The following KLHL25 variants were observed in gnomAD, a reference collection of about 807,000 sequenced individuals.
KLHL25 encodes kelch-like protein 25.
Under a neutral mutation model 30.0 loss-of-function variants are expected in KLHL25, and 41 were observed. That is an observed-to-expected ratio of 1.37 (90% CI 1.07 to 1.78). KLHL25 has a LOEUF of 1.78. KLHL25 is among the 40% of genes most tolerant of loss of function. The pLI is 0.00. For missense variants in KLHL25, 971 were observed against 824.5 expected (o/e 1.18, Z -2.18); for synonymous variants, 399 against 355.3 (o/e 1.12, Z -1.38).
At chr15:85,783,167 TC>T (rs746744570) in intron 1 of KLHL25, among the ~76,000 whole-genome samples, 21 of 152,180 alleles carry the variant, frequency 1.4e-4, no homozygotes, top group Admixed American at 2.6e-4. Context: ...CAATGCGACC[TC>T]GGCTCACTGC....
In KLHL25 at chr15:85,769,192, C is replaced by A. The variant is rs545372352; in HGVS notation, c.619G>T (p.Glu207Ter). 1 of 1,613,610 alleles carries A rather than the reference C, an allele frequency of 6.2e-7. No homozygotes were observed. The highest frequency in any genetic ancestry group is 8.5e-7 in the Non-Finnish European group (1 of 1,180,010). ...AGGATGGCCTCGAAGACCACCCGCT[C>A]GTCCTCGGTCTCCAGCTCATCACTC... ...ISSDELETEDERVVFEAILQW... is the reference protein window; with the variant it reads ...ISSDELETED The change falls in exon 2 of 3, where the codon GAG (glutamate) becomes TAG (stop). Residue 207 changes from glutamate to a stop codon, truncating the protein, a stop_gained. Transcript: ENST00000337975. LOFTEE classifies it high-confidence loss of function.
intron 1 of KLHL25, among the ~76,000 whole-genome samples, chr15:85,777,457 G>C (rs1375819545): frequency 6.6e-6 from 1 of 152,190 alleles, no homozygotes; most frequent in African/African-American, 2.4e-5. Flanking sequence ...TCTACACATG[G>C]CCCTACCCGT....
In KLHL25 at chr15:85,769,248, A is replaced by G. The variant is rs2089650555; in HGVS notation, c.563T>C (p.Leu188Pro). 1 of 1,613,774 alleles carries G rather than the reference A, an allele frequency of 6.2e-7. No individual in the cohort carries two copies. The highest frequency in any genetic ancestry group is 1.3e-5 in the African/African-American group (1 of 74,946). ...TVRQSEDFNS[L>P]SKDTLLDLIS... ...GAGGTCCAGCAGTGTGTCCTTGGAC[A>G]GGCTGTTGAAGTCCTCGCTCTGCCT... Residue 188 changes from leucine (L) to proline (P), a missense_variant, in exon 2 of 3, where the codon CTG becomes CCG. By Grantham distance (98) the Leu-to-Pro change is moderately conservative. Coordinates refer to ENST00000337975, the MANE Select transcript of KLHL25 (RefSeq NM_022480.4).
At chr15:85,777,037 C>T (rs772584149) in intron 1 of KLHL25, among the ~76,000 whole-genome samples, 10 of 152,212 alleles carry the variant, frequency 6.6e-5, no homozygotes, top group Non-Finnish European at 1.3e-4. Context: ...CTGGGCAGTA[C>T]TTAAACCTCC....
Position 85,769,622 on chromosome 15 carries a change from C to T in KLHL25, c.189G>A (p.Val63=), listed in dbSNP as rs543210012. Residue 63 remains valine, a synonymous_variant, in exon 2 of 3, where the codon GTG becomes GTA. Coordinates refer to ENST00000337975, the MANE Select transcript of KLHL25 (RefSeq NM_022480.4). ...GDRAFPCHRA[V]LAASSRYFEA... ...CAAAATAGCGGCTAGAGGCGGCCAG[C>T]ACGGCACGGTGACAGGGGAAGGCAC... 2.5e-6 allele frequency: 4 copies of T among 1,613,102 alleles called. No individual in the cohort carries two copies. Among genetic ancestry groups the T allele is most frequent in the East Asian group, 2.2e-5 (1 of 44,890 alleles).
chr15:85,769,485 C>A lies in KLHL25; in HGVS notation c.326G>T (p.Arg109Leu). Residue 109 changes from arginine to leucine, a missense_variant, in exon 2 of 3, where the codon CGC becomes CTC. Coordinates refer to ENST00000337975, the MANE Select transcript of KLHL25 (RefSeq NM_022480.4). ...ELLLDFAYSS[R>L]IAINEENAES... Reference sequence around the variant, plus strand: ...AGCGTTCTCCTCGTTGATGGCGATGCGTGAGGAGTAGGCAAAGTCCAGCAG... The same window carrying A: ...AGCGTTCTCCTCGTTGATGGCGATGAGTGAGGAGTAGGCAAAGTCCAGCAG... 1 of 1,613,982 alleles carries A rather than the reference C, an allele frequency of 6.2e-7. No individual in the cohort carries two copies. The highest frequency in any genetic ancestry group is 1.1e-5 in the South Asian group (1 of 91,082).
intron 1 of KLHL25, among the ~76,000 whole-genome samples, chr15:85,793,878 G>A (rs1215534571): frequency 1.3e-5 from 2 of 152,190 alleles, no homozygotes; most frequent in Non-Finnish European, 2.9e-5. Flanking sequence ...GCCTGGGTCC[G>A]CCCCCTCACC....
At position 85,768,090 on chromosome 15, in the gene KLHL25, G is replaced by A. The variant is rs2089636581; in HGVS notation, c.1721C>T (p.Ser574Leu). Residue 574 changes from serine to leucine, a missense_variant, in exon 2 of 3, where the codon TCA becomes TTA. Coordinates refer to ENST00000337975, the MANE Select transcript of KLHL25 (RefSeq NM_022480.4). ...GCTGACAAAGGCCGTGGGGATAAGT[G>A]AGTAGGGCACTGTGGTGATGCAGTT... Reference protein sequence around the residue: ...TWNCITTVPYSLIPTAFVSTW... With the variant: ...TWNCITTVPYLLIPTAFVSTW... The A allele has an allele frequency of 1.9e-6, 3 of 1,614,198 alleles. No individual in the cohort carries two copies. Among genetic ancestry groups the A allele is most frequent in the Non-Finnish European group, 1.7e-6 (2 of 1,180,018 alleles).
chr15:85,773,919 G>A (rs947902011), intron 1 of KLHL25, among the ~76,000 whole-genome samples: 2 of 152,138 alleles, frequency 1.3e-5, no homozygotes, highest in Non-Finnish European at 2.9e-5. Context: ...ACCAGGGGCT[G>A]CTTGTCTCGG....
At chr15:85,784,271 G>A (rs964213979) in intron 1 of KLHL25, among the ~76,000 whole-genome samples, 12 of 152,224 alleles carry the variant, frequency 7.9e-5, no homozygotes, top group African/African-American at 1.2e-4. Flanking sequence ...GCTCATGCCT[G>A]TAATCCCTGC....
intron 1 of KLHL25, among the ~76,000 whole-genome samples, 159 bp downstream of exon 1, chr15:85,794,606 CG>C (rs1375928620): frequency 6.6e-6 from 1 of 152,082 alleles, no homozygotes; most frequent in Non-Finnish European, 1.5e-5. Context: ...CCCAGGGCCC[CG>C]GCCCCAGCCG....
chr15:85,775,209 G>A (rs2089702027), intron 1 of KLHL25, among the ~76,000 whole-genome samples: 2 of 152,164 alleles, frequency 1.3e-5, no homozygotes, highest in African/African-American at 2.4e-5. Context: ...CAGTGTACCT[G>A]CAGTGTACCA....
At chr15:85,791,267 G>T (rs536702604) in intron 1 of KLHL25, among the ~76,000 whole-genome samples, 1 of 151,342 alleles carries the variant, frequency 6.6e-6, no homozygotes, top group Non-Finnish European at 1.5e-5. Flanking sequence ...AGGCTGAGGC[G>T]GGTGGATCAC....
intron 1 of KLHL25, among the ~76,000 whole-genome samples, chr15:85,790,727 G>C (rs879730203): frequency 3.3e-5 from 5 of 152,048 alleles, no homozygotes; most frequent in Non-Finnish European, 7.4e-5. Flanking sequence ...CTCGGGCCTT[G>C]GTCACGCTGA....
chr15:85,767,046 A>G lies in KLHL25; in HGVS notation c.*24+971T>C, dbSNP rs573447228. Among the ~76,000 whole-genome samples the G allele has an allele frequency of 4.0e-5, 6 of 148,754 alleles. No individual in the cohort carries two copies. The East Asian group carries it at 1.2e-3, about 30-fold the overall frequency. ...CTCACTGTTGCCCAGGCTGGAGTAC[A>G]GCGGCATGATCTTGGCTCACTGCAG... On this transcript the variant is annotated intron_variant, in intron 2 of 2. Coordinates refer to ENST00000337975, the MANE Select transcript of KLHL25 (RefSeq NM_022480.4).
chr15:85,769,235 T>C lies in KLHL25; in HGVS notation c.576A>G (p.Thr192=), dbSNP rs201796537. 1.8e-5 allele frequency: 29 copies of C among 1,613,842 alleles called. No individual in the cohort carries two copies. In the East Asian group the frequency reaches 5.8e-4, roughly 32 times the overall value. ...CATCACTCGAGATGAGGTCCAGCAG[T>C]GTGTCCTTGGACAGGCTGTTGAAGT... ...SEDFNSLSKD[T]LLDLISSDEL... is the part of the protein sequence containing the mutation. The change falls in exon 2 of 3, where the codon ACA becomes ACG. Residue 192 remains threonine (T), a synonymous_variant. Coordinates refer to ENST00000337975, the MANE Select transcript of KLHL25 (RefSeq NM_022480.4).
intron 2 of KLHL25, among the ~76,000 whole-genome samples, chr15:85,765,551 A>G (rs2089615522): frequency 6.6e-6 from 1 of 150,704 alleles, no homozygotes; most frequent in Non-Finnish European, 1.5e-5. Flanking sequence ...GCTTGAACCC[A>G]GGAGGCAGAG....
At chr15:85,765,390 CCG>C (rs2089613795) in intron 2 of KLHL25, among the ~76,000 whole-genome samples, 1 of 151,966 alleles carries the variant, frequency 6.6e-6, no homozygotes, top group South Asian at 2.1e-4. Context: ...CTTTGGAAGG[CCG>C]AGGCGGGTGG....
intron 1 of KLHL25, among the ~76,000 whole-genome samples, chr15:85,776,272 T>C (rs1409638166): frequency 6.7e-6 from 1 of 150,188 alleles, no homozygotes; most frequent in Non-Finnish European, 1.5e-5. Flanking sequence ...GCAGATCACC[T>C]GAGGTCAGGA....
Sources: gnomAD v4.1 joint callset for allele counts (sites outside exome capture counted in the v4.1 genomes callset) on GRCh38, gnomAD v4.1.1 for gene constraint, MANE v1.5 for transcripts, NCBI Gene and HGNC (gene_info 2026-07-23, HGNC 2026-07-21) for gene names.